ALDH3A1: variants seen among roughly 807,000 people sequenced by gnomAD.
ALDH3A1 encodes the protein aldehyde dehydrogenase, dimeric NADP-preferring.
In ALDH3A1, 46 loss-of-function variants were observed where a neutral mutation model predicts 49.9. That is an observed-to-expected ratio of 0.92 (90% CI 0.73 to 1.18). The LOEUF (loss-of-function observed/expected upper bound fraction) is 1.18. Ranked by LOEUF, ALDH3A1 falls within the 50% of genes most tolerant of loss-of-function variation. The pLI, the probability that ALDH3A1 is intolerant of heterozygous loss-of-function variation, is 0.00. For missense variants in ALDH3A1, 592 were observed against 611.8 expected, an observed-to-expected ratio of 0.97 and a Z score of 0.34; for synonymous variants, 269 against 253.3, an observed-to-expected ratio of 1.06 and a Z score of -0.59.
At position 19,743,026 on chromosome 17, in the gene ALDH3A1, T is replaced by G; in HGVS notation, c.394+206A>C. ...TGGGGGAAGGCAGGCCCTCTCTGTA[T>G]CACCAGGTGTGGACACCTGAGCCTG... On this transcript the variant is annotated intron_variant, in intron 3 of 10. Coordinates refer to ENST00000225740, the MANE Select transcript of ALDH3A1 (RefSeq NM_000691.5). This position sits in a 1 kb window ranked among gnomAD's most constrained non-coding sequence, Gnocchi z 4.4. The G allele has an allele frequency of 6.5e-7, 1 of 1,532,408 alleles. No homozygotes were observed. Among genetic ancestry groups the G allele is most frequent in the Non-Finnish European group, 8.7e-7 (1 of 1,145,280 alleles). 94.9% of individuals were successfully genotyped at this position (1,532,408 alleles called of 1,614,324 possible).
At position 19,739,017 on chromosome 17, in the gene ALDH3A1, A is replaced by T; in HGVS notation, c.1195T>A (p.Ser399Thr). The change falls in exon 9 of 11, where the codon TCT becomes ACT. Residue 399 changes from serine to threonine, a missense_variant. Coordinates refer to ENST00000225740, the MANE Select transcript of ALDH3A1 (RefSeq NM_000691.5). ...NDVIVHITLH[S>T]LPFGGVGNSG... ...TCACCCACGCCCCCGAAGGGCAGAGAGTGCAAGGTGATGTGGACGATGACA... is the reference window on the plus strand; with the variant it reads ...TCACCCACGCCCCCGAAGGGCAGAGTGTGCAAGGTGATGTGGACGATGACA... 1 of 1,613,824 alleles carries T rather than the reference A, an allele frequency of 6.2e-7. No individual in the cohort carries two copies. Among genetic ancestry groups the T allele is most frequent in the Non-Finnish European group, 8.5e-7 (1 of 1,179,968 alleles).
chr17:19,738,881 G>A (rs1440386830), intron 9 of ALDH3A1, 115 bp downstream of exon 9: 4 of 859,384 alleles, frequency 4.7e-6, no homozygotes, highest in Non-Finnish European at 7.3e-6. Context: ...AAATGGAAGA[G>A]GCTAATGGGA....
chr17:19,746,170 C>T (rs746591104), intron 1 of ALDH3A1, among the ~76,000 whole-genome samples: 1 of 152,148 alleles, frequency 6.6e-6, no homozygotes, highest in Non-Finnish European at 1.5e-5. Context: ...GGGCGGGTCA[C>T]CTGAGGTCAG....
At chr17:19,744,841 G>T in intron 2 of ALDH3A1, 127 bp downstream of exon 2, 2 of 1,354,900 alleles carry the variant, frequency 1.5e-6, no homozygotes, top group South Asian at 1.7e-5. Context: ...CAGTCTCCGC[G>T]ACCGAGGGGC....
intron 1 of ALDH3A1, among the ~76,000 whole-genome samples, chr17:19,746,611 ATG>A (rs58134999): frequency 0.015 from 2,227 of 150,526 alleles, 45 homozygotes; most frequent in African/African-American, 0.049. Context: ...AGGCGTGTGC[ATG>A]TGTGTGTGTG....
At position 19,738,036 on chromosome 17, in the gene ALDH3A1, G is replaced by A. The variant is rs947911131; in HGVS notation, c.*185C>T. On this transcript the variant is annotated 3_prime_UTR_variant, in exon 11 of 11. Transcript: ENST00000225740. ...CTCTTTATTGGTCTAGAAAGGGGTG[G>A]AGACTTGGAATGGTGAGGCCTGGGC... is the stretch of plus-strand genomic sequence containing the variant. 2 of 1,520,908 alleles carry A rather than the reference G, an allele frequency of 1.3e-6. No homozygotes were observed. The highest frequency in any genetic ancestry group is 1.8e-6 in the Non-Finnish European group (2 of 1,136,076). The allele number at this position is 1,520,908 out of a possible 1,614,324, so 94.2% of individuals were successfully genotyped here.
At chr17:19,746,634 T>C (rs544669507) in intron 1 of ALDH3A1, among the ~76,000 whole-genome samples, 31 of 141,566 alleles carry the variant, frequency 2.2e-4, no homozygotes, top group African/African-American at 9.3e-4. Context: ...CGTGTGTGTG[T>C]GTGCGTGTGC....
chr17:19,745,026 C>A lies in ALDH3A1; in HGVS notation c.104G>T (p.Arg35Leu). Residue 35 changes from arginine (R) to leucine (L), a missense_variant, in exon 2 of 11, where the codon CGC (arginine) becomes CTC (leucine). Transcript: ENST00000225740. ...FRIQQLEALQ[R>L]LIQEQEQELV... The stretch of plus-strand genomic sequence containing the variant: ...CTCCTGCTCCTGCTCCTGGATCAGG[C>A]GCTGCAGCGCCTCCAGCTGCTGGAT... The A allele has an allele frequency of 6.3e-7, 1 of 1,594,704 alleles. No individual in the cohort carries two copies. The highest frequency in any genetic ancestry group is 8.5e-7 in the Non-Finnish European group (1 of 1,178,182).
Position 19,743,096 on chromosome 17 carries a change from C to T in ALDH3A1, c.394+136G>A. ...GAGGCCTGGCTAAACAGCTTGGTCCCCACAGCCTCCTGTGACAGACCCAGC... is the reference window on the plus strand; with the variant it reads ...GAGGCCTGGCTAAACAGCTTGGTCCTCACAGCCTCCTGTGACAGACCCAGC... On this transcript the variant is annotated intron_variant, in intron 3 of 10. Transcript: ENST00000225740. The surrounding 1 kb of genome is among the most constrained non-coding windows in gnomAD (Gnocchi z 4.4). The T allele has an allele frequency of 2.0e-6, 3 of 1,536,230 alleles. No individual in the cohort carries two copies. The highest frequency in any genetic ancestry group is 2.6e-6 in the Non-Finnish European group (3 of 1,146,976).
At chr17:19,738,275 C>T (rs372148589) in intron 10 of ALDH3A1, 40 bp from the exon 11 acceptor site, 3 of 1,613,978 alleles carry the variant, frequency 1.9e-6, no homozygotes, top group Admixed American at 3.3e-5. Flanking sequence ...TCCCCAGGCC[C>T]TGGTCCCGCA....
intron 1 of ALDH3A1, 36 bp from the exon 2 acceptor site, chr17:19,745,170 C>A: frequency 6.5e-7 from 1 of 1,528,978 alleles, no homozygotes; most frequent in Non-Finnish European, 8.7e-7. Context: ...GGCTGAGGGG[C>A]ACGAGCGCGC....
In ALDH3A1 at chr17:19,738,033, G is replaced by T. The variant is rs2086416696; in HGVS notation, c.*188C>A. 2.0e-6 allele frequency: 3 copies of T among 1,519,246 alleles called. No individual in the cohort carries two copies. The highest frequency in any genetic ancestry group is 2.6e-6 in the Non-Finnish European group (3 of 1,135,030). 94.1% of individuals were successfully genotyped at this position (1,519,246 alleles called of 1,614,324 possible). ...CGTCTCTTTATTGGTCTAGAAAGGG[G>T]TGGAGACTTGGAATGGTGAGGCCTG... On this transcript the variant is annotated 3_prime_UTR_variant, in exon 11 of 11. Coordinates refer to ENST00000225740, the MANE Select transcript of ALDH3A1 (RefSeq NM_000691.5).
rs778623472 is a variant in ALDH3A1 at position 19,738,335 on chromosome 17, C to CG, written c.1334dup (p.Ser446GlufsTer51). 6 of 1,613,028 alleles carry CG rather than the reference C, an allele frequency of 3.7e-6. No individual in the cohort carries two copies. Among genetic ancestry groups the CG allele is most frequent in the Non-Finnish European group, 4.2e-6 (5 of 1,179,218 alleles). On this transcript the variant is annotated frameshift_variant, in exon 10 of 11. Transcript: ENST00000225740. LOFTEE classifies it high-confidence loss of function. ...TTCCCCCTCTCACCTTGGCCGGGCT[C>CG]GGGGGGTATCTGACCTTCAGGCCTT... is the stretch of plus-strand genomic sequence containing the variant.
rs1271095580 is a variant in ALDH3A1 at position 19,738,023 on chromosome 17, C to T, written c.*198G>A. On this transcript the variant is annotated 3_prime_UTR_variant, in exon 11 of 11. Coordinates refer to ENST00000225740, the MANE Select transcript of ALDH3A1 (RefSeq NM_000691.5). ...AAATTGTATTCGTCTCTTTATTGGTCTAGAAAGGGGTGGAGACTTGGAATG... is the reference window on the plus strand; with the variant it reads ...AAATTGTATTCGTCTCTTTATTGGTTTAGAAAGGGGTGGAGACTTGGAATG... 1 of 1,507,472 alleles carries T rather than the reference C, an allele frequency of 6.6e-7. No individual in the cohort carries two copies. The highest frequency in any genetic ancestry group is 8.9e-7 in the Non-Finnish European group (1 of 1,128,864). The allele number at this position is 1,507,472 out of a possible 1,614,324, so 93.4% of individuals were successfully genotyped here.
chr17:19,739,061 C>T lies in ALDH3A1; in HGVS notation c.1151G>A (p.Gly384Asp). ...IKKMIAETSS[G>D]GVAANDVIVH... ...GATGACATCGTTGGCCGCCACCCCA[C>T]CACTGGATGTCTCTGCAATCATCTT... Residue 384 changes from glycine to aspartate, a missense_variant, in exon 9 of 11, where the codon GGT becomes GAT. By Grantham distance (94) the Gly-to-Asp change is moderately conservative. Coordinates refer to ENST00000225740, the MANE Select transcript of ALDH3A1 (RefSeq NM_000691.5). 2 of 1,613,904 alleles carry T rather than the reference C, an allele frequency of 1.2e-6. No homozygotes were observed. The highest frequency in any genetic ancestry group is 1.7e-6 in the Non-Finnish European group (2 of 1,179,916).
Position 19,738,624 on chromosome 17 carries a change from G to C in ALDH3A1, c.1217-171C>G, listed in dbSNP as rs1194037736. ...CTATGGCCCTCAGCACCCAGCCCCA[G>C]GTTGTGGCCCTTTTCTGGGCCTCCT... On this transcript the variant is annotated intron_variant, in intron 9 of 10. Transcript: ENST00000225740. 3 of 1,031,340 alleles carry C rather than the reference G, an allele frequency of 2.9e-6. No individual in the cohort carries two copies. The African/African-American group carries it at 4.8e-5, about 17-fold the overall frequency. 63.9% of individuals were successfully genotyped at this position (1,031,340 alleles called of 1,614,324 possible).
At chr17:19,746,541 GAAA>G (rs1037982463) in intron 1 of ALDH3A1, among the ~76,000 whole-genome samples, 1 of 151,102 alleles carries the variant, frequency 6.6e-6, no homozygotes, top group African/African-American at 2.5e-5. Context: ...TCTAAAAAAA[GAAA>G]AAGAAAGAAA....
chr17:19,739,377 G>A, intron 8 of ALDH3A1, 131 bp downstream of exon 8: 1 of 1,134,658 alleles, frequency 8.8e-7, no homozygotes, highest in Non-Finnish European at 1.2e-6. Flanking sequence ...TACAGACGAG[G>A]TGAAAGGAGC....
At chr17:19,740,545 C>A (rs976197425) in intron 6 of ALDH3A1, 68 bp from the exon 7 acceptor site, 23 of 1,574,592 alleles carry the variant, frequency 1.5e-5, no homozygotes, top group Admixed American at 3.4e-5. Flanking sequence ...GCTGCACAGA[C>A]ACAGGCCAGC....
Sources: gnomAD v4.1 joint callset for allele counts (sites outside exome capture counted in the v4.1 genomes callset) on GRCh38, gnomAD v4.1.1 for gene constraint, Gnocchi (gnomAD v3.1) non-coding constraint, MANE v1.5 for transcripts, NCBI Gene and HGNC (gene_info 2026-07-23, HGNC 2026-07-21) for gene names.